The following COMMD1 variants were observed in gnomAD, a reference collection of about 807,000 sequenced individuals.
COMMD1 encodes copper metabolism domain containing 1.
In COMMD1, 10 loss-of-function variants were observed where a neutral mutation model predicts 17.2. That is an observed-to-expected ratio of 0.58 (90% CI 0.36 to 0.99). The LOEUF (loss-of-function observed/expected upper bound fraction) is 0.99. Ranked by LOEUF, COMMD1 falls within the 50% of genes least tolerant of loss-of-function variation. The probability of loss-of-function intolerance (pLI) is 0.01; values close to 1 mark genes in which losing one functional copy is unlikely to be tolerated. For synonymous variants in COMMD1, 97 were observed against 91.6 expected (o/e 1.06, Z -0.34); for missense variants, 270 against 231.8 (o/e 1.17, Z -1.07).
chr2:62,091,944 C>T (rs1421075070), intron 2 of COMMD1, among the ~76,000 whole-genome samples: 1 of 152,210 alleles, frequency 6.6e-6, no homozygotes, highest in Non-Finnish European at 1.5e-5. Context: ...ACCCTAAAAA[C>T]TGGACACCTC....
At chr2:62,041,878 A>C (rs572131556) in intron 2 of COMMD1, among the ~76,000 whole-genome samples, 21 of 152,308 alleles carry the variant, frequency 1.4e-4, no homozygotes, top group African/African-American at 4.6e-4. Context: ...CAGCTCATAA[A>C]GGCGATGCAG....
chr2:62,134,906 TTTG>T (rs1403660996), intron 2 of COMMD1, among the ~76,000 whole-genome samples: 3 of 152,068 alleles, frequency 2.0e-5, no homozygotes, highest in Non-Finnish European at 4.4e-5. Context: ...CCCAGAAATG[TTTG>T]TTGTTATTTC....
intron 2 of COMMD1, among the ~76,000 whole-genome samples, chr2:62,086,072 G>A (rs1324343486): frequency 6.6e-6 from 1 of 152,120 alleles, no homozygotes; most frequent in Non-Finnish European, 1.5e-5. Flanking sequence ...GGGAAAAGGT[G>A]TGTGGGGGTT....
chr2:62,061,600 G>A (rs1179856361), intron 2 of COMMD1, among the ~76,000 whole-genome samples: 1 of 146,426 alleles, frequency 6.8e-6, no homozygotes, highest in African/African-American at 2.5e-5. Context: ...CTGTTGCCCA[G>A]GCTGGAGTGC....
At chr2:62,065,061 G>A (rs1015403704) in intron 2 of COMMD1, among the ~76,000 whole-genome samples, 2 of 152,104 alleles carry the variant, frequency 1.3e-5, no homozygotes, top group Non-Finnish European at 2.9e-5. Flanking sequence ...CCAGCTACTT[G>A]TGGGATTACA....
chr2:62,082,356 T>G (rs1389573205), intron 2 of COMMD1, among the ~76,000 whole-genome samples: 1 of 152,190 alleles, frequency 6.6e-6, no homozygotes, highest in African/African-American at 2.4e-5. Context: ...CAGGGAGACC[T>G]TAGAACACTC....
At chr2:61,897,071 C>T (rs1471644139) in intron 1 of COMMD1, among the ~76,000 whole-genome samples, 1 of 152,112 alleles carries the variant, frequency 6.6e-6, no homozygotes, top group Non-Finnish European at 1.5e-5. Flanking sequence ...CTCAAGCAAT[C>T]CACCCACCTC....
intron 1 of COMMD1, among the ~76,000 whole-genome samples, chr2:61,971,779 A>G (rs749351965): frequency 2.9e-4 from 44 of 152,120 alleles, no homozygotes; most frequent in Non-Finnish European, 8.8e-5. Flanking sequence ...AGCTAAATTT[A>G]TTATATTAGA....
chr2:62,093,421 ATTTT>A (rs1309803591), intron 2 of COMMD1, among the ~76,000 whole-genome samples: 2 of 152,148 alleles, frequency 1.3e-5, no homozygotes, highest in African/African-American at 2.4e-5. Context: ...CCAATGAGTC[ATTTT>A]GTGAATAAAC....
intron 1 of COMMD1, among the ~76,000 whole-genome samples, chr2:61,957,046 CG>C (rs1314142348): frequency 1.4e-4 from 21 of 151,810 alleles, no homozygotes; most frequent in African/African-American, 4.8e-4. Context: ...CCACCACGCC[CG>C]GCAAGAAGGT....
At chr2:62,065,262 A>T (rs1191558290) in intron 2 of COMMD1, among the ~76,000 whole-genome samples, 1 of 151,976 alleles carries the variant, frequency 6.6e-6, no homozygotes, top group Non-Finnish European at 1.5e-5. Flanking sequence ...GATTCAGAAC[A>T]TATGAACAAA....
intron 2 of COMMD1, among the ~76,000 whole-genome samples, chr2:62,033,054 G>C (rs1415345336): frequency 1.3e-5 from 2 of 152,188 alleles, no homozygotes; most frequent in African/African-American, 4.8e-5. Flanking sequence ...ACAGGCGTGA[G>C]CCATGTTGCC....
chr2:62,119,729 T>C (rs1042789168), intron 2 of COMMD1, among the ~76,000 whole-genome samples: 2 of 152,200 alleles, frequency 1.3e-5, no homozygotes, highest in African/African-American at 4.8e-5. Flanking sequence ...GTGATCCCTT[T>C]TGTTGGAGAA....
chr2:62,067,350 T>C (rs1671082205), intron 2 of COMMD1, among the ~76,000 whole-genome samples: 1 of 152,206 alleles, frequency 6.6e-6, no homozygotes, highest in South Asian at 2.1e-4. Flanking sequence ...GGAACAAATC[T>C]TCTATTTGTA....
intron 1 of COMMD1, among the ~76,000 whole-genome samples, chr2:61,918,776 C>G (rs982158901): frequency 9.2e-5 from 14 of 152,002 alleles, no homozygotes; most frequent in Non-Finnish European, 1.5e-4. Flanking sequence ...ATGATGCAGT[C>G]TGGTGGAGTG....
At chr2:62,085,849 C>T (rs567328280) in intron 2 of COMMD1, among the ~76,000 whole-genome samples, 1 of 152,054 alleles carries the variant, frequency 6.6e-6, no homozygotes, top group South Asian at 2.1e-4. Context: ...GGCATGGTGG[C>T]GGGCGCCTGT....
At chr2:61,992,672 A>G (rs1672281136) in intron 1 of COMMD1, among the ~76,000 whole-genome samples, 1 of 152,222 alleles carries the variant, frequency 6.6e-6, no homozygotes, top group African/African-American at 2.4e-5. Flanking sequence ...GCTCATGCTC[A>G]CTTAATGCGA....
intron 1 of COMMD1, among the ~76,000 whole-genome samples, chr2:61,964,143 G>A (rs1358580996): frequency 6.6e-6 from 1 of 152,306 alleles, no homozygotes; most frequent in Middle Eastern, 3.4e-3. Context: ...CTTCTTAGCT[G>A]CCATAGCAAT....
At chr2:61,891,942 C>T (rs1002729955) in intron 1 of COMMD1, among the ~76,000 whole-genome samples, 4 of 151,648 alleles carry the variant, frequency 2.6e-5, no homozygotes, top group South Asian at 2.1e-4. Flanking sequence ...CGCCATTCTC[C>T]TGTCTCAGCC....
Sources: gnomAD v4.1 joint callset for allele counts (sites outside exome capture counted in the v4.1 genomes callset) on GRCh38, gnomAD v4.1.1 for gene constraint, MANE v1.5 for transcripts, NCBI Gene and HGNC (gene_info 2026-07-23, HGNC 2026-07-21) for gene names.